The following CHD6 variants were observed in gnomAD, a reference collection of about 807,000 sequenced individuals.
CHD6 encodes chromodomain helicase DNA binding protein 6, also known as ATP-dependent chromatin remodeler CHD6.
CHD6 carries 50 observed loss-of-function variants against 276.9 expected under a neutral mutation model. The ratio of observed to expected loss-of-function variants is 0.18; its 90% CI spans 0.14 to 0.23. The LOEUF (loss-of-function observed/expected upper bound fraction) is 0.23, where lower values mean the gene tolerates loss of function less well. Ranked by LOEUF, CHD6 falls within the 10% of genes least tolerant of loss-of-function variation. The probability of loss-of-function intolerance (pLI) is 1.00; values close to 1 mark genes in which losing one functional copy is unlikely to be tolerated. For synonymous variants in CHD6, 1,173 were observed against 1,229.3 expected (o/e 0.95, Z 0.96); for missense variants, 2,564 against 3,365.8 (o/e 0.76, Z 5.89).
chr20:41,488,406 G>T (rs1454956969), intron 13 of CHD6, 22 bp downstream of exon 13: 1 of 1,590,822 alleles, frequency 6.3e-7, no homozygotes, highest in Non-Finnish European at 8.5e-7. Context: ...CTGTGTTTAT[G>T]TAAAGAGATG....
chr20:41,407,903 A>G (rs1746391644), intron 36 of CHD6, among the ~76,000 whole-genome samples: 1 of 152,184 alleles, frequency 6.6e-6, no homozygotes, highest in Non-Finnish European at 1.5e-5. Flanking sequence ...TCAACAAATC[A>G]GTGAATCAGC....
intron 5 of CHD6, 63 bp downstream of exon 5, chr20:41,512,783 G>A (rs930896682): frequency 2.3e-5 from 36 of 1,585,464 alleles, no homozygotes; most frequent in Admixed American, 1.7e-4. Context: ...CAAGAAACAC[G>A]TCTGTCATCT....
chr20:41,503,041 A>C (rs2043875473), intron 5 of CHD6, among the ~76,000 whole-genome samples: 1 of 152,144 alleles, frequency 6.6e-6, no homozygotes, highest in South Asian at 2.1e-4. Flanking sequence ...AAAACAAAAC[A>C]AAACCCATAT....
At chr20:41,562,737 G>C (rs1363346137) in intron 1 of CHD6, among the ~76,000 whole-genome samples, 1 of 152,170 alleles carries the variant, frequency 6.6e-6, no homozygotes, top group African/African-American at 2.4e-5. Context: ...AGAGGGCCAT[G>C]AGGACAGGGA....
intron 4 of CHD6, 59 bp downstream of exon 4, chr20:41,514,746 T>G: frequency 6.3e-7 from 1 of 1,587,602 alleles, no homozygotes; most frequent in Admixed American, 1.7e-5. Context: ...ACGATCAGTG[T>G]CAGCCAGATC....
intron 1 of CHD6, among the ~76,000 whole-genome samples, chr20:41,562,856 G>C (rs771040962): frequency 2.6e-5 from 4 of 152,008 alleles, no homozygotes; most frequent in Non-Finnish European, 5.9e-5. Flanking sequence ...AAAAGAGAAA[G>C]ATCTTACACA....
chr20:41,617,862 T>A (rs1459962643), intron 1 of CHD6, among the ~76,000 whole-genome samples: 1 of 150,520 alleles, frequency 6.6e-6, no homozygotes, highest in Non-Finnish European at 1.5e-5. Flanking sequence ...TAGAGCAACT[T>A]CTCCGCGGGG....
At chr20:41,443,902 C>T (rs912838735) in intron 25 of CHD6, among the ~76,000 whole-genome samples, 2 of 152,150 alleles carry the variant, frequency 1.3e-5, no homozygotes, top group Admixed American at 6.5e-5. Context: ...TCCTGATCCA[C>T]CTTGGTTTTC....
intron 3 of CHD6, among the ~76,000 whole-genome samples, chr20:41,522,666 A>G (rs2044431331): frequency 6.6e-6 from 1 of 151,814 alleles, no homozygotes; most frequent in Non-Finnish European, 1.5e-5. Context: ...GCGCACACAC[A>G]CATACATAAA....
intron 2 of CHD6, among the ~76,000 whole-genome samples, chr20:41,548,320 C>T (rs1019588495): frequency 2.0e-5 from 3 of 152,038 alleles, no homozygotes; most frequent in Admixed American, 6.6e-5. Flanking sequence ...CCATGAGGTC[C>T]AAAACAAAAA....
At chr20:41,609,762 C>G (rs2045865909) in intron 1 of CHD6, among the ~76,000 whole-genome samples, 1 of 151,962 alleles carries the variant, frequency 6.6e-6, no homozygotes, top group East Asian at 1.9e-4. Flanking sequence ...AATAAAACTG[C>G]TGTATGATTA....
At chr20:41,458,088 A>C (rs1226932206) in intron 17 of CHD6, among the ~76,000 whole-genome samples, 2 of 152,126 alleles carry the variant, frequency 1.3e-5, no homozygotes, top group Non-Finnish European at 2.9e-5. Context: ...ATTTTCTCTA[A>C]ACTAGGAGTT....
rs544710806 is a variant in CHD6, at chr20:41,542,357, C to T, written c.34-8787G>A. Among the ~76,000 whole-genome samples the T allele has an allele frequency of 8.5e-5, 13 of 152,336 alleles. No individual in the cohort carries two copies. In the South Asian group the frequency reaches 2.7e-3, roughly 32 times the overall value. ...AAAACTTAGGCCAACTCTGCTCCTA[C>T]CCCTGCCACATAATAAACCAGGACC... On this transcript the variant is annotated intron_variant, in intron 2 of 36. Coordinates refer to ENST00000373233, the MANE Select transcript of CHD6 (RefSeq NM_032221.5).
intron 1 of CHD6, among the ~76,000 whole-genome samples, chr20:41,563,528 T>C (rs1441484360): frequency 3.3e-5 from 5 of 152,186 alleles, no homozygotes; most frequent in Admixed American, 3.3e-4. Context: ...ATTTCAGTGA[T>C]GAGTGAGGCA....
intron 3 of CHD6, among the ~76,000 whole-genome samples, chr20:41,528,238 C>G (rs775694974): frequency 6.6e-6 from 1 of 152,064 alleles, no homozygotes; most frequent in Non-Finnish European, 1.5e-5. Flanking sequence ...ATTCCCAAAG[C>G]CCTTATTAAC....
intron 25 of CHD6, among the ~76,000 whole-genome samples, chr20:41,442,798 C>G (rs2047939622): frequency 1.3e-5 from 2 of 152,152 alleles, no homozygotes; most frequent in South Asian, 4.1e-4. Flanking sequence ...AGGCAGCACC[C>G]AGGCAGGGGC....
At chr20:41,546,684 G>T (rs1012693779) in intron 2 of CHD6, among the ~76,000 whole-genome samples, 1 of 152,162 alleles carries the variant, frequency 6.6e-6, no homozygotes, top group African/African-American at 2.4e-5. Context: ...GGTTTTCAAT[G>T]ATTAGAGTTC....
At chr20:41,615,313 T>C (rs985473300) in intron 1 of CHD6, among the ~76,000 whole-genome samples, 10 of 151,866 alleles carry the variant, frequency 6.6e-5, no homozygotes, top group African/African-American at 2.4e-4. Context: ...ATGCTAGTTC[T>C]TTTTGCTCCA....
chr20:41,453,018 G>T, intron 20 of CHD6, 76 bp from the exon 21 acceptor site: 1 of 1,187,446 alleles, frequency 8.4e-7, no homozygotes, highest in Non-Finnish European at 1.2e-6. Context: ...TGTATCCTCA[G>T]GACACATTTG....
Sources: gnomAD v4.1 joint callset for allele counts (sites outside exome capture counted in the v4.1 genomes callset) on GRCh38, gnomAD v4.1.1 for gene constraint, MANE v1.5 for transcripts, NCBI Gene and HGNC (gene_info 2026-07-23, HGNC 2026-07-21) for gene names.